Variants in DLC1 observed in about 807,000 individuals in gnomAD.
The protein encoded by DLC1 is rho GTPase-activating protein 7.
A neutral mutation model predicts 140.3 loss-of-function variants in DLC1; 54 were observed. The observed-to-expected ratio is 0.38, with a 90% CI of 0.31 to 0.48. The LOEUF is 0.48. Among genes scored for constraint, DLC1 ranks in the 20% least tolerant of loss-of-function variants. DLC1 has a pLI of 0.96. For missense variants in DLC1, 2,536 were observed against 1,907.0 expected, an observed-to-expected ratio of 1.33 and a Z score of -6.14; for synonymous variants, 986 against 728.1, an observed-to-expected ratio of 1.35 and a Z score of -5.70.
intron 4 of DLC1, among the ~76,000 whole-genome samples, chr8:13,346,489 T>G (rs189593391): frequency 6.6e-6 from 1 of 152,346 alleles, no homozygotes; most frequent in East Asian, 1.9e-4. Flanking sequence ...CGGCAAAAAC[T>G]ACCATGGTAG....
intron 2 of DLC1, among the ~76,000 whole-genome samples, chr8:13,453,420 A>ATTTTTTTTTTTTTTTTTTTTTTTT (rs1218533007): frequency 2.6e-4 from 6 of 22,708 alleles, no homozygotes; most frequent in South Asian, 1.4e-3. Flanking sequence ...ATATATATAT[A>ATTTTTTTTTTTTTTTTTTTTTTTT]TATGTGTATA....
At chr8:13,151,429 C>T (rs992006406) in intron 5 of DLC1, among the ~76,000 whole-genome samples, 3 of 152,174 alleles carry the variant, frequency 2.0e-5, no homozygotes, top group African/African-American at 7.2e-5. Flanking sequence ...TAAGGTCATA[C>T]AGGTGGTAAA....
intron 1 of DLC1, chr8:13,536,058 A>G (rs976929441): frequency 1.3e-5 from 2 of 152,250 alleles, no homozygotes; most frequent in African/African-American, 2.4e-5. Flanking sequence ...TGAACGTGCC[A>G]GATCTTGGAA....
At chr8:13,255,153 T>C (rs1017933007) in intron 5 of DLC1, among the ~76,000 whole-genome samples, 21 of 152,162 alleles carry the variant, frequency 1.4e-4, no homozygotes, top group African/African-American at 5.1e-4. Context: ...ACTTTTTAAG[T>C]AGAGATGGGT....
intron 2 of DLC1, among the ~76,000 whole-genome samples, chr8:13,418,385 T>G (rs1305843445): frequency 2.0e-5 from 3 of 152,178 alleles, no homozygotes; most frequent in Non-Finnish European, 4.4e-5. Flanking sequence ...TTGAATTAAT[T>G]TTTGTATAAG....
chr8:13,334,883 T>G (rs1833755241), intron 4 of DLC1, among the ~76,000 whole-genome samples: 1 of 152,210 alleles, frequency 6.6e-6, no homozygotes, highest in South Asian at 2.1e-4. Context: ...TCTAAGCCCT[T>G]TTAGGGGCAA....
At chr8:13,445,736 A>T (rs1486883222) in intron 2 of DLC1, among the ~76,000 whole-genome samples, 1 of 152,202 alleles carries the variant, frequency 6.6e-6, no homozygotes, top group East Asian at 1.9e-4. Flanking sequence ...AGGAGAAAGA[A>T]AAACAAAACA....
chr8:13,190,784 A>G (rs11782204), intron 5 of DLC1, among the ~76,000 whole-genome samples: 21 of 152,090 alleles, frequency 1.4e-4, no homozygotes, highest in Middle Eastern at 3.4e-3. Context: ...GGGGACAAGA[A>G]CCAAGCAGGG....
At chr8:13,098,711 G>A (rs902108548) in intron 9 of DLC1, 136 bp from the exon 10 acceptor site, 10 of 919,616 alleles carry the variant, frequency 1.1e-5, no homozygotes, top group Non-Finnish European at 1.6e-5. Context: ...GAACTCCTCA[G>A]CTCAAGTGAT....
At chr8:13,458,007 C>A (rs76923970) in intron 2 of DLC1, among the ~76,000 whole-genome samples, 2 of 151,960 alleles carry the variant, frequency 1.3e-5, no homozygotes, top group African/African-American at 4.8e-5. Flanking sequence ...ACACAGACCA[C>A]GAAGTTGGAC....
At chr8:13,524,346 C>T (rs1345915185) in intron 1 of DLC1, among the ~76,000 whole-genome samples, 1 of 151,944 alleles carries the variant, frequency 6.6e-6, no homozygotes, top group African/African-American at 2.4e-5. Context: ...CCATCTTGGC[C>T]AGGCTGATCT....
intron 7 of DLC1, 97 bp downstream of exon 7, chr8:13,110,645 A>T (rs1445589850): frequency 1.7e-6 from 2 of 1,183,392 alleles, no homozygotes; most frequent in East Asian, 2.3e-5. Context: ...AACCTAACAC[A>T]ATTAGCAAGA....
chr8:13,434,966 C>A (rs1839052547), intron 2 of DLC1, among the ~76,000 whole-genome samples: 1 of 152,098 alleles, frequency 6.6e-6, no homozygotes, highest in Admixed American at 6.6e-5. Context: ...AGGCGTGACC[C>A]CCCCCGGCTC....
chr8:13,211,645 A>G (rs1214353423), intron 5 of DLC1, among the ~76,000 whole-genome samples: 3 of 152,194 alleles, frequency 2.0e-5, no homozygotes, highest in African/African-American at 7.2e-5. Context: ...GTTGTCAACA[A>G]ATGCTAGTCA....
intron 1 of DLC1, among the ~76,000 whole-genome samples, chr8:13,526,664 T>C (rs1474305638): frequency 6.6e-6 from 1 of 151,924 alleles, no homozygotes; most frequent in Non-Finnish European, 1.5e-5. Context: ...GAGCAAACTA[T>C]CGCAAGGACA....
intron 4 of DLC1, among the ~76,000 whole-genome samples, chr8:13,334,473 C>G (rs1437462794): frequency 6.6e-6 from 1 of 152,142 alleles, no homozygotes; most frequent in Non-Finnish European, 1.5e-5. Context: ...AGAAAGATCA[C>G]TGTGCACATG....
At chr8:13,542,956 C>T (rs933034507) in intron 1 of DLC1, among the ~76,000 whole-genome samples, 8 of 151,926 alleles carry the variant, frequency 5.3e-5, no homozygotes, top group African/African-American at 4.8e-5. Flanking sequence ...TTTTTCTGCA[C>T]CTACTGAAAT....
At position 13,412,804 on chromosome 8, in the gene DLC1, A is replaced by C. The variant is rs1021728716; in HGVS notation, c.1024-11185T>G. Among the ~76,000 whole-genome samples the C allele has an allele frequency of 3.3e-4, 50 of 151,568 alleles. 1 individual carries two copies. Among genetic ancestry groups the C allele is most frequent in the African/African-American group, 7.7e-4 (32 of 41,326 alleles). ...AAAATTAGCCGGGTGTGGTGGTGGG[A>C]GCCTGTAGTCCCAGCTACTAGGGAG... On this transcript the variant is annotated intron_variant, in intron 2 of 17. Coordinates refer to ENST00000276297, the MANE Select transcript of DLC1 (RefSeq NM_182643.3).
At chr8:13,229,932 C>G (rs192744236) in intron 5 of DLC1, among the ~76,000 whole-genome samples, 30 of 152,276 alleles carry the variant, frequency 2.0e-4, no homozygotes, top group Non-Finnish European at 1.8e-4. Context: ...AATCTAATGG[C>G]CCAAAGCTTT....
Sources: gnomAD v4.1 joint callset for allele counts (sites outside exome capture counted in the v4.1 genomes callset) on GRCh38, gnomAD v4.1.1 for gene constraint, MANE v1.5 for transcripts, NCBI Gene and HGNC (gene_info 2026-07-23, HGNC 2026-07-21) for gene names.